Variants in CMIP observed in about 807,000 individuals in gnomAD.
The protein encoded by CMIP is C-Maf-inducing protein.
Under a neutral mutation model 97.3 loss-of-function variants are expected in CMIP, and 13 were observed. The ratio of observed to expected loss-of-function variants is 0.13; its 90% CI spans 0.09 to 0.21. The LOEUF is 0.21. Ranked by LOEUF, CMIP falls within the 10% of genes least tolerant of loss-of-function variation. The pLI, the probability that CMIP is intolerant of heterozygous loss-of-function variation, is 1.00. For synonymous variants in CMIP, 538 were observed against 436.3 expected (o/e 1.23, Z -2.91); for missense variants, 847 against 1,024.9 (o/e 0.83, Z 2.37).
At chr16:81,600,226 A>G (rs1336079600) in intron 1 of CMIP, among the ~76,000 whole-genome samples, 1 of 150,268 alleles carries the variant, frequency 6.7e-6, no homozygotes, top group Non-Finnish European at 1.5e-5. Flanking sequence ...CAGTGAGCCA[A>G]GATCGCACCA....
chr16:81,612,522 T>G (rs966676230), intron 2 of CMIP, among the ~76,000 whole-genome samples: 1 of 152,032 alleles, frequency 6.6e-6, no homozygotes, highest in African/African-American at 2.4e-5. Context: ...TAGCTTCCAG[T>G]AAGAAAGGAA....
intron 7 of CMIP, among the ~76,000 whole-genome samples, chr16:81,669,045 TCCTCCTTCCACACCCACCTCTCACACTCA>T (rs2092646984): frequency 7.4e-5 from 8 of 107,742 alleles, no homozygotes. Flanking sequence ...CACCACACTC[TCCTCCTTCCACACCCACCTCTCACACTCA>T]CCTCCTTCCA....
intron 3 of CMIP, chr16:81,651,363 A>C (rs911321523): frequency 3.2e-6 from 3 of 945,980 alleles, no homozygotes; most frequent in East Asian, 2.3e-4. Flanking sequence ...CTCTGCCTCA[A>C]ATCCAGGGAG....
chr16:81,450,584 A>G (rs1477254532), intron 1 of CMIP, among the ~76,000 whole-genome samples: 1 of 152,202 alleles, frequency 6.6e-6, no homozygotes, highest in East Asian at 1.9e-4. Flanking sequence ...CTTTCTGCAC[A>G]AATGGAAGGG....
At chr16:81,509,472 C>T (rs1441892270) in intron 1 of CMIP, among the ~76,000 whole-genome samples, 2 of 152,214 alleles carry the variant, frequency 1.3e-5, no homozygotes, top group South Asian at 2.1e-4. Flanking sequence ...CGTGCACTGC[C>T]TCTGGCACCT....
chr16:81,525,518 A>G (rs1254107480), intron 1 of CMIP, among the ~76,000 whole-genome samples: 1 of 152,128 alleles, frequency 6.6e-6, no homozygotes, highest in Non-Finnish European at 1.5e-5. Context: ...TTTAAATCTT[A>G]AAAAACATTT....
chr16:81,587,180 A>G (rs2091396296), intron 1 of CMIP, among the ~76,000 whole-genome samples: 2 of 152,216 alleles, frequency 1.3e-5, no homozygotes, highest in African/African-American at 2.4e-5. Context: ...GGGAACCTGC[A>G]TGACTCATTA....
intron 3 of CMIP, among the ~76,000 whole-genome samples, chr16:81,648,199 C>G (rs2092387744): frequency 6.6e-6 from 1 of 151,672 alleles, no homozygotes; most frequent in Non-Finnish European, 1.5e-5. Context: ...CCATCGTGGC[C>G]CTCACTGATG....
rs755524801 is a variant in CMIP at position 81,453,088 on chromosome 16, C to T, written c.300+7547C>T. 2.3e-4 allele frequency among the ~76,000 whole-genome samples: 35 copies of T among 152,054 alleles called. No individual in the cohort carries two copies. Among genetic ancestry groups the T allele is most frequent in the Admixed American group, 2.0e-4 (3 of 15,278 alleles). On this transcript the variant is annotated intron_variant, in intron 1 of 20. Transcript: ENST00000537098. This position sits in a 1 kb window ranked among gnomAD's most constrained non-coding sequence, Gnocchi z 4.0. ...TCTGATTCACCTCTGGTTTTGCCAG[C>T]GAGGAAGGGGTGAGGGGAAGTGTGT...
At chr16:81,556,794 C>G (rs1283597293) in intron 1 of CMIP, among the ~76,000 whole-genome samples, 1 of 152,220 alleles carries the variant, frequency 6.6e-6, no homozygotes, top group African/African-American at 2.4e-5. Flanking sequence ...TGTACACACA[C>G]AAAAGCAGGT....
intron 1 of CMIP, among the ~76,000 whole-genome samples, chr16:81,551,157 G>C (rs1473496109): frequency 6.8e-6 from 1 of 146,634 alleles, no homozygotes; most frequent in Admixed American, 6.9e-5. Context: ...ACACACCCCA[G>C]TTCCATCACA....
intron 1 of CMIP, among the ~76,000 whole-genome samples, chr16:81,475,856 G>C (rs1309665464): frequency 2.0e-5 from 3 of 152,070 alleles, no homozygotes; most frequent in Middle Eastern, 3.4e-3. Flanking sequence ...GTGTGGTGGG[G>C]GGCGCCTGTA....
chr16:81,659,185 C>G (rs1046372744), intron 5 of CMIP, among the ~76,000 whole-genome samples: 1 of 152,236 alleles, frequency 6.6e-6, no homozygotes, highest in Non-Finnish European at 1.5e-5. Flanking sequence ...ATTAATTCAT[C>G]AATTCATTTA....
At chr16:81,600,417 G>A (rs1355487866) in intron 1 of CMIP, among the ~76,000 whole-genome samples, 2 of 152,150 alleles carry the variant, frequency 1.3e-5, no homozygotes. Context: ...AGCCATGAAA[G>A]GAATGCGGTT....
intron 18 of CMIP, among the ~76,000 whole-genome samples, chr16:81,704,682 TCCTCCTCCCTGCCCCCGTCAC>T (rs1263209359): frequency 5.2e-5 from 3 of 58,192 alleles, no homozygotes; most frequent in African/African-American, 1.4e-4. Context: ...TACCCCTTCA[TCCTCCTCCCTGCCCCCGTCAC>T]CCTCCTCCCT....
intron 1 of CMIP, among the ~76,000 whole-genome samples, chr16:81,538,584 A>G (rs550731836): frequency 2.6e-5 from 4 of 152,266 alleles, no homozygotes; most frequent in African/African-American, 9.6e-5. Flanking sequence ...TTACCATTTT[A>G]TAAGATTTTC....
At chr16:81,703,104 C>A (rs546571681) in intron 17 of CMIP, among the ~76,000 whole-genome samples, 1 of 152,260 alleles carries the variant, frequency 6.6e-6, no homozygotes, top group East Asian at 1.9e-4. Context: ...CACATGGCTT[C>A]TACTTCCTGG....
At chr16:81,446,952 T>G (rs1024293400) in intron 1 of CMIP, among the ~76,000 whole-genome samples, 2 of 151,272 alleles carry the variant, frequency 1.3e-5, no homozygotes, top group African/African-American at 4.9e-5. Context: ...GGCACGTTGG[T>G]GCAATATCTG....
intron 10 of CMIP, among the ~76,000 whole-genome samples, chr16:81,683,836 A>G (rs373575302): frequency 7.8e-6 from 1 of 127,628 alleles, no homozygotes; most frequent in Non-Finnish European, 1.5e-5. Flanking sequence ...ATCTCAGCTC[A>G]CTGCAACCTC....
Sources: allele counts gnomAD v4.1 joint callset (sites outside exome capture counted in the v4.1 genomes callset), GRCh38; gene constraint gnomAD v4.1.1; non-coding constraint Gnocchi (gnomAD v3.1); transcripts MANE v1.5; gene names NCBI Gene and HGNC (gene_info 2026-07-23, HGNC 2026-07-21).